Variants in BIRC6 observed in about 807,000 individuals in gnomAD.
BIRC6 encodes the protein dual E2 ubiquitin-conjugating enzyme/E3 ubiquitin-protein ligase BIRC6.
A neutral mutation model predicts 503.3 loss-of-function variants in BIRC6; 98 were observed. That is an observed-to-expected ratio of 0.19 (90% CI 0.17 to 0.23). BIRC6 has a LOEUF of 0.23. BIRC6 is among the 10% of genes least tolerant of loss of function. The pLI, the probability that BIRC6 is intolerant of heterozygous loss-of-function variation, is 1.00. For missense variants in BIRC6, 5,360 were observed against 5,806.0 expected, an observed-to-expected ratio of 0.92 and a Z score of 2.50; for synonymous variants, 2,240 against 2,078.7, an observed-to-expected ratio of 1.08 and a Z score of -2.11.
intron 66 of BIRC6, among the ~76,000 whole-genome samples, chr2:32,586,739 T>C (rs2061061160): frequency 6.6e-6 from 1 of 152,130 alleles, no homozygotes; most frequent in Non-Finnish European, 1.5e-5. Context: ...CCAGTCTTAA[T>C]TACTGAATTT....
chr2:32,613,500 C>A (rs774828873), intron 73 of BIRC6, among the ~76,000 whole-genome samples: 1 of 152,050 alleles, frequency 6.6e-6, no homozygotes, highest in Non-Finnish European at 1.5e-5. Flanking sequence ...CCTGCCTCAG[C>A]CTCCTGAGTA....
chr2:32,367,222 G>A (rs753455386), intron 1 of BIRC6, among the ~76,000 whole-genome samples: 1 of 152,152 alleles, frequency 6.6e-6, no homozygotes, highest in Non-Finnish European at 1.5e-5. Flanking sequence ...CAGCACTTTG[G>A]GAGACCAAGG....
intron 10 of BIRC6, among the ~76,000 whole-genome samples, chr2:32,426,555 G>T (rs938272892): frequency 1.3e-5 from 2 of 152,224 alleles, no homozygotes; most frequent in Non-Finnish European, 2.9e-5. Flanking sequence ...AGTGAGCTGA[G>T]ATCACACCAT....
chr2:32,377,243 G>GTGTGTGTGTA (rs2036936431), intron 1 of BIRC6, among the ~76,000 whole-genome samples: 1 of 151,230 alleles, frequency 6.6e-6, no homozygotes, highest in Non-Finnish European at 1.5e-5. Flanking sequence ...GTGTGTGTGT[G>GTGTGTGTGTA]TGTGTGTATA....
intron 26 of BIRC6, among the ~76,000 whole-genome samples, chr2:32,466,827 A>G (rs1374587499): frequency 6.6e-6 from 1 of 151,828 alleles, no homozygotes; most frequent in East Asian, 1.9e-4. Context: ...TTGTTTTTTA[A>G]AGAGACGGGT....
Position 32,463,361 on chromosome 2 carries a change from C to T in BIRC6, c.4921C>T (p.Leu1641Phe). The change falls in exon 24 of 74, where the codon CTT (leucine) becomes TTT (phenylalanine). Residue 1641 changes from leucine to phenylalanine, a missense_variant. Around this residue, in one of 16 missense-constraint regions of BIRC6, gnomAD observed 2,299 missense variants for 2,267.2 expected, o/e 1.01. Coordinates refer to ENST00000421745, the MANE Select transcript of BIRC6 (RefSeq NM_016252.4). ...LQVLQEKQQQ[L>F]LKLQQQKAKL... ...GGTGCTGCAAGAGAAACAGCAGCAG[C>T]TTTTGAAGCTTCAGCAACAGGTTGG... 1.9e-6 allele frequency: 3 copies of T among 1,612,132 alleles called. No individual in the cohort carries two copies. Among genetic ancestry groups the T allele is most frequent in the Non-Finnish European group, 2.5e-6 (3 of 1,179,168 alleles).
At chr2:32,611,786 A>C (rs919299491) in intron 73 of BIRC6, among the ~76,000 whole-genome samples, 2 of 152,212 alleles carry the variant, frequency 1.3e-5, no homozygotes, top group Non-Finnish European at 2.9e-5. Flanking sequence ...TCCTAAAATA[A>C]AAAGTGGGTC....
At chr2:32,452,687 T>C in intron 22 of BIRC6, among the ~76,000 whole-genome samples, 1 of 152,154 alleles carries the variant, frequency 6.6e-6, no homozygotes, top group East Asian at 1.9e-4. Flanking sequence ...TATTATCCCA[T>C]AACTTAGGAC....
In BIRC6 at chr2:32,518,962, G is replaced by A; in HGVS notation, c.11623+16G>A. The stretch of plus-strand genomic sequence containing the variant: ...AGAGTGTCAGGCAAGTCAGATTTAA[G>A]TATTAGTTTTTGTTTAACTTTATGT... On this transcript the variant is annotated intron_variant, in intron 57 of 73. Transcript: ENST00000421745. 5 of 1,609,518 alleles carry A rather than the reference G, an allele frequency of 3.1e-6. No individual in the cohort carries two copies. The highest frequency in any genetic ancestry group is 4.2e-6 in the Non-Finnish European group (5 of 1,176,998).
intron 17 of BIRC6, 124 bp from the exon 18 acceptor site, chr2:32,441,934 CTATTGAT>C: frequency 1.6e-6 from 1 of 609,656 alleles, no homozygotes; most frequent in Non-Finnish European, 2.6e-6. Context: ...TGACATATAG[CTATTGAT>C]TGTTTTTAAA....
chr2:32,461,999 G>A (rs975709246), intron 23 of BIRC6, among the ~76,000 whole-genome samples: 1 of 151,392 alleles, frequency 6.6e-6, no homozygotes, highest in African/African-American at 2.4e-5. Context: ...TCTACTGTGA[G>A]TTTACAGGTT....
chr2:32,489,428 A>G (rs963722634), intron 42 of BIRC6, among the ~76,000 whole-genome samples: 1 of 151,744 alleles, frequency 6.6e-6, no homozygotes, highest in Admixed American at 6.6e-5. Flanking sequence ...CTCTTCAACT[A>G]TATTATTATT....
At chr2:32,364,491 C>G (rs933371668) in intron 1 of BIRC6, among the ~76,000 whole-genome samples, 1 of 152,128 alleles carries the variant, frequency 6.6e-6, no homozygotes, top group African/African-American at 2.4e-5. Flanking sequence ...TCCGCCCGCC[C>G]TGGCCTCCCA....
chr2:32,394,455 C>T (rs1233640116), intron 5 of BIRC6, among the ~76,000 whole-genome samples: 1 of 151,750 alleles, frequency 6.6e-6, no homozygotes, highest in Non-Finnish European at 1.5e-5. Context: ...AATTAGATTC[C>T]ATATTATGTG....
chr2:32,507,795 A>G (rs932031053), intron 50 of BIRC6, among the ~76,000 whole-genome samples, 185 bp from the exon 51 acceptor site: 4 of 152,162 alleles, frequency 2.6e-5, no homozygotes, highest in Non-Finnish European at 5.9e-5. Context: ...TTTTGTGTTG[A>G]AAAATAGCTC....
At chr2:32,405,739 A>C (rs193081337) in intron 8 of BIRC6, among the ~76,000 whole-genome samples, 260 of 152,344 alleles carry the variant, frequency 1.7e-3, no homozygotes, top group African/African-American at 6.0e-3. Context: ...TGAGTACACA[A>C]ACATACACAC....
At chr2:32,557,580 G>A (rs2150573691) in intron 65 of BIRC6, 1 of 152,282 alleles carries the variant, frequency 6.6e-6, no homozygotes, top group South Asian at 2.1e-4. Context: ...TGCTCTTAGA[G>A]CAAGGGAGTT....
intron 12 of BIRC6, among the ~76,000 whole-genome samples, chr2:32,432,157 TGTAA>T (rs2044195651): frequency 6.6e-6 from 1 of 152,096 alleles, no homozygotes; most frequent in Admixed American, 6.6e-5. Flanking sequence ...CGCTCAAACC[TGTAA>T]TCCCAGCACT....
intron 3 of BIRC6, among the ~76,000 whole-genome samples, chr2:32,380,676 A>G (rs1382652820): frequency 1.3e-5 from 2 of 152,212 alleles, no homozygotes; most frequent in Non-Finnish European, 2.9e-5. Flanking sequence ...CTGAGATTGC[A>G]GAGATTGCGC....
Sources: gnomAD v4.1 joint callset for allele counts (sites outside exome capture counted in the v4.1 genomes callset) on GRCh38, gnomAD v4.1.1 for gene constraint, gnomAD v4.1.1 regional missense constraint, MANE v1.5 for transcripts, NCBI Gene and HGNC (gene_info 2026-07-23, HGNC 2026-07-21) for gene names.